NCAPD3: variants seen among roughly 807,000 people sequenced by gnomAD.
NCAPD3 encodes non-SMC condensin II complex subunit D3.
In NCAPD3, 105 loss-of-function variants were observed where a neutral mutation model predicts 182.9. That is an observed-to-expected ratio of 0.57 (90% CI 0.49 to 0.68). The LOEUF (loss-of-function observed/expected upper bound fraction) is 0.68. Ranked by LOEUF, NCAPD3 falls within the 30% of genes least tolerant of loss-of-function variation. The probability of loss-of-function intolerance (pLI) is 0.00; values close to 1 mark genes in which losing one functional copy is unlikely to be tolerated. For synonymous variants in NCAPD3, 815 were observed against 679.9 expected, an observed-to-expected ratio of 1.20 and a Z score of -3.09; for missense variants, 1,944 against 1,837.0, an observed-to-expected ratio of 1.06 and a Z score of -1.07.
intron 27 of NCAPD3, among the ~76,000 whole-genome samples, chr11:134,165,456 C>T (rs1338383494): frequency 6.7e-6 from 1 of 149,106 alleles, no homozygotes; most frequent in African/African-American, 2.5e-5. Flanking sequence ...AGGGGAGTGG[C>T]ACACTCATGA....
rs952147307 is a variant in NCAPD3 at position 134,161,786 on chromosome 11, G to C, written c.3679C>G (p.Leu1227Val). 6.5e-7 allele frequency: 1 copy of C among 1,549,132 alleles called. No homozygotes were observed. Residue 1227 changes from leucine to valine, a missense_variant, in exon 28 of 35, where the codon CTC becomes GTC. By Grantham distance (32) the Leu-to-Val change is conservative. Coordinates refer to ENST00000534548, the MANE Select transcript of NCAPD3 (RefSeq NM_015261.3). ...AGCACAGGCTCCACCCTTACCCTGA[G>C]ATAGTGCATGAGTTCCCGCAAAGCT... ...IPALRELMHY[L>V]REVMQDYRDE...
intron 24 of NCAPD3, 104 bp from the exon 25 acceptor site, chr11:134,169,158 G>A (rs531219415): frequency 7.0e-5 from 81 of 1,150,662 alleles, no homozygotes; most frequent in African/African-American, 4.5e-4. Flanking sequence ...GTACATAAGC[G>A]TAGGGATTCA....
chr11:134,167,614 A>G (rs1943884199), intron 27 of NCAPD3, among the ~76,000 whole-genome samples: 1 of 97,218 alleles, frequency 1.0e-5, no homozygotes, highest in Non-Finnish European at 1.9e-5. Context: ...TAGTGAGATG[A>G]GCTTGGGGGA....
intron 1 of NCAPD3, 25 bp downstream of exon 1, chr11:134,223,838 G>T: frequency 6.4e-7 from 1 of 1,554,976 alleles, no homozygotes; most frequent in Non-Finnish European, 8.7e-7. Flanking sequence ...CCTGGCCCCC[G>T]GGCCTCCCGG....
chr11:134,179,568 C>A (rs1463996997), intron 20 of NCAPD3, among the ~76,000 whole-genome samples: 1 of 152,188 alleles, frequency 6.6e-6, no homozygotes, highest in Admixed American at 6.5e-5. Context: ...CTGGTGAACA[C>A]CTGTGTATCC....
At chr11:134,222,251 T>C (rs1338390204) in intron 1 of NCAPD3, among the ~76,000 whole-genome samples, 3 of 152,206 alleles carry the variant, frequency 2.0e-5, no homozygotes, top group Admixed American at 6.5e-5. Flanking sequence ...CTACTTCACT[T>C]AGGATGGAAG....
At chr11:134,163,899 G>GAA (rs1943674338) in intron 27 of NCAPD3, among the ~76,000 whole-genome samples, 47 of 138,848 alleles carry the variant, frequency 3.4e-4, no homozygotes, top group African/African-American at 1.1e-3. Context: ...AAAAGAAAAA[G>GAA]AAAGAAAGAC....
chr11:134,157,929 C>G lies in NCAPD3; in HGVS notation c.4173G>C (p.Gln1391His). 1 of 1,613,346 alleles carries G rather than the reference C, an allele frequency of 6.2e-7. No homozygotes were observed. ...NSGSPEKTCS[Q>H]VSSYSLEQES... is the part of the protein sequence containing the mutation. ...TCTGGCACCAAACATAAGGCTTACCCTGACTGCACGTTTTTTCTGGGCTTC... is the reference window on the plus strand; with the variant it reads ...TCTGGCACCAAACATAAGGCTTACCGTGACTGCACGTTTTTTCTGGGCTTC... Residue 1391 changes from glutamine to histidine, a missense_variant and splice_region_variant, in exon 31 of 35, where the codon CAG becomes CAC. Physicochemically the swap from Gln to His is conservative, Grantham distance 24. Transcript: ENST00000534548.
intron 25 of NCAPD3, 105 bp downstream of exon 25, chr11:134,168,812 G>A (rs1943934760): frequency 1.4e-6 from 2 of 1,449,798 alleles, no homozygotes; most frequent in South Asian, 1.4e-5. Context: ...TAAAGACCTG[G>A]GGCAGGGTCT....
chr11:134,162,633 G>A (rs1565520383), intron 27 of NCAPD3, among the ~76,000 whole-genome samples: 2 of 152,176 alleles, frequency 1.3e-5, no homozygotes. Context: ...TCTTATCAGA[G>A]TTCCTGAAAC....
intron 19 of NCAPD3, among the ~76,000 whole-genome samples, chr11:134,184,208 A>C (rs912545879): frequency 2.6e-5 from 4 of 152,238 alleles, no homozygotes; most frequent in African/African-American, 7.2e-5. Flanking sequence ...ACCTCATAGT[A>C]ACAGGACAGG....
chr11:134,218,469 C>G (rs1938111461), intron 2 of NCAPD3, among the ~76,000 whole-genome samples: 1 of 152,204 alleles, frequency 6.6e-6, no homozygotes, highest in East Asian at 1.9e-4. Context: ...TTTCTACTAC[C>G]TGTTAAACTT....
intron 24 of NCAPD3, among the ~76,000 whole-genome samples, chr11:134,173,953 T>A (rs1591835073): frequency 1.4e-5 from 2 of 141,528 alleles, no homozygotes; most frequent in African/African-American, 5.3e-5. Flanking sequence ...AGAACAAGAC[T>A]CCATCTCAAA....
At chr11:134,172,303 C>T (rs1428142246) in intron 24 of NCAPD3, among the ~76,000 whole-genome samples, 1 of 152,140 alleles carries the variant, frequency 6.6e-6, no homozygotes, top group East Asian at 1.9e-4. Flanking sequence ...TTCCAGTGAC[C>T]ATCCCATCTG....
intron 28 of NCAPD3, 135 bp from the exon 29 acceptor site, chr11:134,160,209 T>A: frequency 1.2e-6 from 1 of 864,464 alleles, no homozygotes. Flanking sequence ...AAAATAAAAG[T>A]TAAGAAAGAA....
At chr11:134,195,071 T>C (rs186255521) in intron 13 of NCAPD3, among the ~76,000 whole-genome samples, 9 of 152,298 alleles carry the variant, frequency 5.9e-5, no homozygotes, top group East Asian at 3.9e-4. Context: ...TGAGGTAATA[T>C]ATAACAGCAG....
intron 13 of NCAPD3, among the ~76,000 whole-genome samples, chr11:134,200,300 G>A (rs1184173089): frequency 6.6e-6 from 1 of 152,068 alleles, no homozygotes; most frequent in Non-Finnish European, 1.5e-5. Flanking sequence ...CATTTGAAAA[G>A]ACAACCCACA....
Position 134,210,231 on chromosome 11 carries a change from G to T in NCAPD3, c.567+39C>A, listed in dbSNP as rs145427137. On this transcript the variant is annotated intron_variant, in intron 4 of 34. Coordinates refer to ENST00000534548, the MANE Select transcript of NCAPD3 (RefSeq NM_015261.3). Reference sequence around the variant, plus strand: ...TCAATCCTTAAATAAAGCAAATCGTGTGTTGGTATATATGTTTTATACTCA... The same window carrying T: ...TCAATCCTTAAATAAAGCAAATCGTTTGTTGGTATATATGTTTTATACTCA... The T allele has an allele frequency of 5.9e-4, 904 of 1,531,556 alleles. 1 individual carries two copies. The highest frequency in any genetic ancestry group is 7.4e-4 in the Non-Finnish European group (828 of 1,122,690). 94.9% of individuals were successfully genotyped at this position (1,531,556 alleles called of 1,614,324 possible). A position where few individuals can be genotyped will look rare whatever the true frequency, so the allele number is the denominator to read the frequency against.
At chr11:134,166,962 GCTT>G (rs1289542417) in intron 27 of NCAPD3, among the ~76,000 whole-genome samples, 39 of 127,850 alleles carry the variant, frequency 3.1e-4, no homozygotes, top group Non-Finnish European at 2.4e-4. Flanking sequence ...AGTGAGATGA[GCTT>G]AGGGGAGCTG....
Sources: allele counts gnomAD v4.1 joint callset (sites outside exome capture counted in the v4.1 genomes callset), GRCh38; gene constraint gnomAD v4.1.1; transcripts MANE v1.5; gene names NCBI Gene and HGNC (gene_info 2026-07-23, HGNC 2026-07-21).